Variants in NEK7 observed in about 807,000 individuals in gnomAD.
The protein encoded by NEK7 is serine/threonine-protein kinase Nek7.
NEK7 carries 18 observed loss-of-function variants against 44.6 expected under a neutral mutation model. The ratio of observed to expected loss-of-function variants is 0.40; its 90% CI spans 0.28 to 0.60. The LOEUF is 0.60. Among genes scored for constraint, NEK7 ranks in the 20% least tolerant of loss-of-function variants. The pLI, the probability that NEK7 is intolerant of heterozygous loss-of-function variation, is 0.38. For synonymous variants in NEK7, 130 were observed against 121.1 expected (o/e 1.07, Z -0.48); for missense variants, 256 against 366.5 (o/e 0.70, Z 2.46).
At chr1:198,170,927 A>T (rs1453917858) in intron 1 of NEK7, among the ~76,000 whole-genome samples, 1 of 110,334 alleles carries the variant, frequency 9.1e-6, no homozygotes. Context: ...AGATTTCTTA[A>T]AAAAAAATGT....
chr1:198,232,967 A>G (rs1192560589), intron 2 of NEK7, among the ~76,000 whole-genome samples: 2 of 152,062 alleles, frequency 1.3e-5, no homozygotes, highest in African/African-American at 2.4e-5. Context: ...TTATTTTAAA[A>G]TATTGTTTGA....
At chr1:198,245,276 C>G (rs1666804997) in intron 2 of NEK7, 1 of 169,260 alleles carries the variant, frequency 5.9e-6, no homozygotes, top group South Asian at 2.0e-4. Flanking sequence ...TGGATCTGCA[C>G]AGTTCAAACT....
At chr1:198,183,111 C>G (rs16842531) in intron 1 of NEK7, among the ~76,000 whole-genome samples, 6,815 of 152,198 alleles carry the variant, frequency 0.045, 562 homozygotes, top group African/African-American at 0.16. Context: ...CTGATTCATT[C>G]TCTTTATAGC....
At chr1:198,204,264 G>T (rs1211054247) in intron 1 of NEK7, among the ~76,000 whole-genome samples, 1 of 151,796 alleles carries the variant, frequency 6.6e-6, no homozygotes, top group Non-Finnish European at 1.5e-5. Flanking sequence ...TGATACAAAA[G>T]AATAATACAA....
At chr1:198,204,325 C>T (rs1045996230) in intron 1 of NEK7, among the ~76,000 whole-genome samples, 1 of 152,074 alleles carries the variant, frequency 6.6e-6, no homozygotes, top group African/African-American at 2.4e-5. Context: ...TTTTGCTGTG[C>T]TGTAATGTTG....
chr1:198,240,769 C>A (rs1015512146), intron 2 of NEK7, among the ~76,000 whole-genome samples: 4 of 152,200 alleles, frequency 2.6e-5, no homozygotes, highest in African/African-American at 4.8e-5. Flanking sequence ...GATCTCGGCT[C>A]ACTGCAACCT....
At chr1:198,165,498 G>A (rs1440157162) in intron 1 of NEK7, among the ~76,000 whole-genome samples, 1 of 152,188 alleles carries the variant, frequency 6.6e-6, no homozygotes, top group Non-Finnish European at 1.5e-5. Context: ...CATCAGAGCT[G>A]TTGGTGACTA....
intron 1 of NEK7, among the ~76,000 whole-genome samples, chr1:198,222,487 T>C (rs1666099035): frequency 6.6e-6 from 1 of 152,202 alleles, no homozygotes; most frequent in African/African-American, 2.4e-5. Context: ...ACCTGCCCTG[T>C]TTTTATTTCC....
intron 1 of NEK7, chr1:198,207,327 T>C (rs1002933608): frequency 7.2e-5 from 11 of 152,198 alleles, no homozygotes; most frequent in Admixed American, 5.2e-4. Context: ...CCTTAACTTA[T>C]TAAATGTAAT....
At chr1:198,231,069 G>A (rs891250624) in intron 1 of NEK7, among the ~76,000 whole-genome samples, 4 of 151,040 alleles carry the variant, frequency 2.6e-5, no homozygotes, top group Non-Finnish European at 5.9e-5. Context: ...TTTACAATTC[G>A]TATTAAAATC....
intron 3 of NEK7, 84 bp from the exon 4 acceptor site, chr1:198,262,491 C>T (rs1653509151): frequency 1.2e-6 from 1 of 829,812 alleles, no homozygotes; most frequent in African/African-American, 1.7e-5. Context: ...CAAATAATTA[C>T]ATGTAGAGTA....
intron 3 of NEK7, among the ~76,000 whole-genome samples, chr1:198,254,446 A>G (rs1223236089): frequency 6.6e-6 from 1 of 152,126 alleles, no homozygotes; most frequent in African/African-American, 2.4e-5. Context: ...TTATATATGT[A>G]TTACACGCAC....
chr1:198,215,504 G>T (rs181465445), intron 1 of NEK7, among the ~76,000 whole-genome samples: 32 of 151,436 alleles, frequency 2.1e-4, no homozygotes, highest in Admixed American at 1.7e-3. Flanking sequence ...TTTTTATTTT[G>T]CTCATCAGCT....
chr1:198,230,340 A>T (rs1214171730), intron 1 of NEK7, among the ~76,000 whole-genome samples: 2 of 152,164 alleles, frequency 1.3e-5, no homozygotes, highest in African/African-American at 4.8e-5. Context: ...TATCATGACC[A>T]AGTGGGGTTC....
intron 2 of NEK7, among the ~76,000 whole-genome samples, chr1:198,239,804 C>T (rs1277748833): frequency 6.6e-6 from 1 of 152,136 alleles, no homozygotes; most frequent in Non-Finnish European, 1.5e-5. Flanking sequence ...CTGAGAACTG[C>T]ATTGTCAGGC....
chr1:198,184,814 G>T (rs1664870039), intron 1 of NEK7, among the ~76,000 whole-genome samples: 1 of 152,004 alleles, frequency 6.6e-6, no homozygotes. Context: ...GACCAAAGTT[G>T]CACACCACTA....
chr1:198,219,246 AT>A (rs1418585285), intron 1 of NEK7, among the ~76,000 whole-genome samples: 1 of 150,182 alleles, frequency 6.7e-6, no homozygotes, highest in Admixed American at 6.7e-5. Context: ...ATTTATGTAT[AT>A]TTTACATAAA....
At position 198,237,465 on chromosome 1, in the gene NEK7, C is replaced by T. The variant is rs536813942; in HGVS notation, c.57+4828C>T. 2.0e-5 allele frequency among the ~76,000 whole-genome samples: 3 copies of T among 152,156 alleles called. No individual in the cohort carries two copies. In the South Asian group the frequency reaches 6.2e-4, roughly 32 times the overall value. ...CATCTTCTCCTTCTCAGTGGCAAGTCTATCCTTCCAGTTGCTGAGGTTAAA... is the reference window on the plus strand; with the variant it reads ...CATCTTCTCCTTCTCAGTGGCAAGTTTATCCTTCCAGTTGCTGAGGTTAAA... On this transcript the variant is annotated intron_variant, in intron 2 of 9. Transcript: ENST00000367385.
At chr1:198,271,069 C>T (rs1653828387) in intron 5 of NEK7, among the ~76,000 whole-genome samples, 1 of 152,014 alleles carries the variant, frequency 6.6e-6, no homozygotes, top group South Asian at 2.1e-4. Context: ...CTGCCCCATT[C>T]ATCTCCACAA....
Sources: allele counts gnomAD v4.1 joint callset (sites outside exome capture counted in the v4.1 genomes callset), GRCh38; gene constraint gnomAD v4.1.1; transcripts MANE v1.5; gene names NCBI Gene and HGNC (gene_info 2026-07-23, HGNC 2026-07-21).